Variants in NTN1 observed in about 807,000 individuals in gnomAD.
NTN1 encodes netrin-1.
NTN1 carries 11 observed loss-of-function variants against 54.2 expected under a neutral mutation model. That is an observed-to-expected ratio of 0.20 (90% CI 0.13 to 0.34). NTN1 has a LOEUF of 0.34. NTN1 is among the 10% of genes least tolerant of loss of function. The probability of loss-of-function intolerance (pLI) is 1.00; values close to 1 mark genes in which losing one functional copy is unlikely to be tolerated. For missense variants in NTN1, 740 were observed against 893.1 expected (o/e 0.83, Z 2.18); for synonymous variants, 371 against 382.0 (o/e 0.97, Z 0.33).
intron 3 of NTN1, among the ~76,000 whole-genome samples, chr17:9,164,240 C>T (rs1181448401): frequency 6.6e-6 from 1 of 152,150 alleles, no homozygotes; most frequent in Admixed American, 6.5e-5. Context: ...GCCTGCCTAA[C>T]ATGGTGAAAC....
chr17:9,143,550 T>C (rs754307073), intron 2 of NTN1, among the ~76,000 whole-genome samples: 4 of 152,200 alleles, frequency 2.6e-5, no homozygotes, highest in Non-Finnish European at 4.4e-5. Flanking sequence ...TCTCCTGAAT[T>C]CCATGTAAAT....
At chr17:9,213,416 G>A (rs775080180) in intron 5 of NTN1, among the ~76,000 whole-genome samples, 1 of 152,240 alleles carries the variant, frequency 6.6e-6, no homozygotes, top group Non-Finnish European at 1.5e-5. Context: ...AGGGCAGCAG[G>A]GCGTTCTGCC....
At position 9,221,151 on chromosome 17, in the gene NTN1, C is replaced by CT; in HGVS notation, c.1412-17_1412-16insT. 1 of 1,519,126 alleles carries CT rather than the reference C, an allele frequency of 6.6e-7. No homozygotes were observed. Among genetic ancestry groups the CT allele is most frequent in the African/African-American group, 1.5e-5 (1 of 67,936 alleles). The allele number at this position is 1,519,126 out of a possible 1,614,324, so 94.1% of individuals were successfully genotyped here. A position where few individuals can be genotyped will look rare whatever the true frequency, so the allele number is the denominator to read the frequency against. On this transcript the variant is annotated splice_polypyrimidine_tract_variant and intron_variant, in intron 5 of 6. Transcript: ENST00000173229. The surrounding 1 kb of genome is among the most constrained non-coding windows in gnomAD (Gnocchi z 4.5). The stretch of plus-strand genomic sequence containing the variant: ...CTAATTAGTTTTTGTCTGTGCTCCC[C>CT]CCCCACCCCCCTGCAGACTGCGATT...
intron 5 of NTN1, among the ~76,000 whole-genome samples, chr17:9,194,874 G>A (rs1258355905): frequency 6.6e-6 from 1 of 152,162 alleles, no homozygotes; most frequent in Non-Finnish European, 1.5e-5. Context: ...GTGCGGAATT[G>A]CTGCTGTATG....
Position 9,165,459 on chromosome 17 carries a change from C to A in NTN1, c.1207+2458C>A, listed in dbSNP as rs1008098988. On this transcript the variant is annotated intron_variant, in intron 3 of 6. Coordinates refer to ENST00000173229, the MANE Select transcript of NTN1 (RefSeq NM_004822.3). The surrounding 1 kb of genome is among the most constrained non-coding windows in gnomAD (Gnocchi z 4.5). The stretch of plus-strand genomic sequence containing the variant: ...AGATGCAAATAAATGAGGATGTGTT[C>A]TTGTTTTACGAGTTACAACATTGTG... 6.6e-6 allele frequency among the ~76,000 whole-genome samples: 1 copy of A among 152,180 alleles called. No homozygotes were observed. The highest frequency in any genetic ancestry group is 1.9e-4 in the East Asian group (1 of 5,194).
the NTN1 span, among the ~76,000 whole-genome samples, chr17:9,007,212 CCTTT>C: frequency 7.7e-5 from 11 of 143,770 alleles, no homozygotes; most frequent in South Asian, 2.2e-4. Context: ...CCTTTTTCTT[CCTTT>C]CTTTCTCTCT....
At chr17:9,120,546 C>G (rs1314051108) in intron 2 of NTN1, among the ~76,000 whole-genome samples, 1 of 152,190 alleles carries the variant, frequency 6.6e-6, no homozygotes, top group South Asian at 2.1e-4. Flanking sequence ...CCCACCTGAC[C>G]CCTTCTGATT....
At chr17:9,045,186 C>T (rs758385691) in intron 2 of NTN1, among the ~76,000 whole-genome samples, 39 of 152,190 alleles carry the variant, frequency 2.6e-4, no homozygotes, top group Non-Finnish European at 5.3e-4. Context: ...CAGTTTGAGC[C>T]GACAGCTGGG....
At chr17:9,103,992 G>A (rs1481089313) in intron 2 of NTN1, among the ~76,000 whole-genome samples, 2 of 148,322 alleles carry the variant, frequency 1.3e-5, no homozygotes, top group Non-Finnish European at 1.5e-5. Context: ...GGGAGGCTGA[G>A]GCACGAGAAT....
chr17:9,120,622 A>C (rs970691298), intron 2 of NTN1, among the ~76,000 whole-genome samples: 3 of 152,012 alleles, frequency 2.0e-5, no homozygotes, highest in Non-Finnish European at 4.4e-5. Flanking sequence ...TTTGGTGATG[A>C]CTTCAGTGCT....
intron 3 of NTN1, chr17:9,176,239 G>A (rs1192069218): frequency 1.3e-5 from 2 of 152,570 alleles, no homozygotes; most frequent in African/African-American, 2.4e-5. Flanking sequence ...ATGTCTGTGC[G>A]TGGGTGAGTT....
At chr17:9,178,939 T>C (rs2092409402) in intron 3 of NTN1, 1 of 152,226 alleles carries the variant, frequency 6.6e-6, no homozygotes, top group Admixed American at 6.5e-5. Context: ...CAGAATTGGC[T>C]TCTTGGGACA....
At chr17:9,009,776 T>C in the NTN1 span, among the ~76,000 whole-genome samples, 2 of 152,178 alleles carry the variant, frequency 1.3e-5, no homozygotes, top group Non-Finnish European at 2.9e-5. Flanking sequence ...ATCAAAATCA[T>C]GACTTTTTTC....
intron 2 of NTN1, among the ~76,000 whole-genome samples, chr17:9,091,968 T>C (rs969366928): frequency 6.6e-6 from 1 of 151,782 alleles, no homozygotes. Flanking sequence ...ACAGTAGTTG[T>C]CCTTCGGTGA....
At chr17:9,049,324 C>T (rs1372834020) in intron 2 of NTN1, among the ~76,000 whole-genome samples, 1 of 152,120 alleles carries the variant, frequency 6.6e-6, no homozygotes, top group Non-Finnish European at 1.5e-5. Flanking sequence ...GAATAACTTA[C>T]AGTGAAGAAA....
intron 2 of NTN1, among the ~76,000 whole-genome samples, chr17:9,152,056 G>A (rs1030891109): frequency 5.3e-5 from 8 of 151,626 alleles, no homozygotes; most frequent in South Asian, 4.2e-4. Flanking sequence ...CTGGCCCCCC[G>A]CGGGCCATGA....
chr17:9,227,346 C>T (rs770803241), intron 6 of NTN1, among the ~76,000 whole-genome samples: 1 of 150,586 alleles, frequency 6.6e-6, no homozygotes, highest in East Asian at 1.9e-4. Flanking sequence ...CACAGACTAT[C>T]AGTCACACTC....
At chr17:9,159,761 A>C (rs1003622905) in intron 2 of NTN1, among the ~76,000 whole-genome samples, 1 of 152,170 alleles carries the variant, frequency 6.6e-6, no homozygotes, top group Non-Finnish European at 1.5e-5. Context: ...AGATCACGCC[A>C]CTGCACTCCA....
At chr17:9,134,314 G>C (rs1350534184) in intron 2 of NTN1, among the ~76,000 whole-genome samples, 1 of 152,102 alleles carries the variant, frequency 6.6e-6, no homozygotes, top group African/African-American at 2.4e-5. Flanking sequence ...CTTTCCCCCA[G>C]ATGACTGATT....
Sources: allele counts gnomAD v4.1 joint callset (sites outside exome capture counted in the v4.1 genomes callset), GRCh38; gene constraint gnomAD v4.1.1; non-coding constraint Gnocchi (gnomAD v3.1); transcripts MANE v1.5; gene names NCBI Gene and HGNC (gene_info 2026-07-23, HGNC 2026-07-21).